Variants in FGFR2 observed in about 807,000 individuals in gnomAD.
The protein encoded by FGFR2 is BEK fibroblast growth factor receptor.
FGFR2 carries 19 observed loss-of-function variants against 95.9 expected under a neutral mutation model. The ratio of observed to expected loss-of-function variants is 0.20; its 90% CI spans 0.14 to 0.29. The LOEUF is 0.29. Ranked by LOEUF, FGFR2 falls within the 10% of genes least tolerant of loss-of-function variation. The pLI, the probability that FGFR2 is intolerant of heterozygous loss-of-function variation, is 1.00. For synonymous variants in FGFR2, 392 were observed against 393.3 expected (o/e 1.00, Z 0.04); for missense variants, 707 against 1,056.9 (o/e 0.67, Z 4.59).
chr10:121,589,330 C>T (rs532994429), intron 2 of FGFR2, among the ~76,000 whole-genome samples: 4 of 152,328 alleles, frequency 2.6e-5, no homozygotes, highest in East Asian at 1.9e-4. Flanking sequence ...ATTGAAACTA[C>T]GAACATTAAA....
intron 4 of FGFR2, among the ~76,000 whole-genome samples, chr10:121,556,533 C>T (rs1396400877): frequency 1.3e-5 from 2 of 151,796 alleles, no homozygotes; most frequent in East Asian, 3.9e-4. Flanking sequence ...ACCATCTGGC[C>T]CAACGACTGA....
intron 2 of FGFR2, among the ~76,000 whole-genome samples, chr10:121,581,433 C>A (rs1047259035): frequency 6.6e-6 from 1 of 151,978 alleles, no homozygotes; most frequent in Non-Finnish European, 1.5e-5. Flanking sequence ...CAGGTGGGTG[C>A]CACCTCCTTA....
Position 121,593,964 on chromosome 10 carries a change from G to A in FGFR2, c.-147C>T, listed in dbSNP as rs769814958. ...CCGAGGCGCTGCCGCTGCTGCTGCA[G>A]TCACTAAAGGAAAGAGATTGGCGAG... On this transcript the variant is annotated 5_prime_UTR_variant, in exon 2 of 18. Coordinates refer to ENST00000358487, the MANE Select transcript of FGFR2 (RefSeq NM_000141.5). 2 of 746,580 alleles carry A rather than the reference G, an allele frequency of 2.7e-6. No homozygotes were observed. Among genetic ancestry groups the A allele is most frequent in the Non-Finnish European group, 4.8e-6 (2 of 416,822 alleles). The allele number at this position is 746,580 out of a possible 1,614,324, so 46.2% of individuals were successfully genotyped here. A position where few individuals can be genotyped will look rare whatever the true frequency, so the allele number is the denominator to read the frequency against.
At chr10:121,508,681 G>A (rs1004271309) in intron 9 of FGFR2, among the ~76,000 whole-genome samples, 1 of 152,102 alleles carries the variant, frequency 6.6e-6, no homozygotes, top group African/African-American at 2.4e-5. Flanking sequence ...GATGACTTAC[G>A]GGAATTTTGT....
chr10:121,527,149 G>A (rs1012027822), intron 6 of FGFR2, among the ~76,000 whole-genome samples: 8 of 152,196 alleles, frequency 5.3e-5, no homozygotes, highest in Non-Finnish European at 8.8e-5. Context: ...CAAAGCAGGT[G>A]GAGGCAAAGT....
chr10:121,569,789 C>A (rs1204920973), intron 2 of FGFR2, among the ~76,000 whole-genome samples: 3 of 152,204 alleles, frequency 2.0e-5, no homozygotes, highest in Non-Finnish European at 4.4e-5. Context: ...ACTGAGAAAG[C>A]AAGGACTCCT....
intron 8 of FGFR2, 130 bp from the exon 9 acceptor site, chr10:121,515,449 A>C (rs1849590156): frequency 8.2e-6 from 7 of 848,638 alleles, no homozygotes; most frequent in South Asian, 1.4e-5. Flanking sequence ...TGGGCTTCCC[A>C]AAAACTCCCA....
intron 2 of FGFR2, among the ~76,000 whole-genome samples, chr10:121,571,445 A>G (rs945384775): frequency 6.6e-6 from 1 of 151,658 alleles, no homozygotes; most frequent in Non-Finnish European, 1.5e-5. Flanking sequence ...TTACAGGTGC[A>G]TGCCATCACG....
intron 9 of FGFR2, among the ~76,000 whole-genome samples, chr10:121,514,278 C>G (rs1264363214): frequency 6.6e-6 from 1 of 152,194 alleles, no homozygotes; most frequent in Non-Finnish European, 1.5e-5. Context: ...ATCTGCCTTC[C>G]GCTTCCATCT....
intron 4 of FGFR2, among the ~76,000 whole-genome samples, chr10:121,562,366 C>G (rs1490793007): frequency 3.3e-5 from 5 of 151,392 alleles, no homozygotes; most frequent in Non-Finnish European, 5.9e-5. Context: ...CTCACTGCAA[C>G]CTCCGCATCC....
chr10:121,533,632 C>T (rs921949238), intron 6 of FGFR2, among the ~76,000 whole-genome samples: 3 of 152,196 alleles, frequency 2.0e-5, no homozygotes, highest in East Asian at 1.9e-4. Flanking sequence ...ATCTTTCTCC[C>T]GCACATTCTG....
intron 2 of FGFR2, among the ~76,000 whole-genome samples, chr10:121,578,554 GA>G (rs1282338856): frequency 2.0e-5 from 3 of 152,252 alleles, no homozygotes; most frequent in Non-Finnish European, 2.9e-5. Flanking sequence ...ATGTTTCTCA[GA>G]CTTTACTGTG....
At chr10:121,486,676 G>A (rs1385936538) in intron 15 of FGFR2, among the ~76,000 whole-genome samples, 5 of 152,146 alleles carry the variant, frequency 3.3e-5, no homozygotes, top group African/African-American at 1.2e-4. Flanking sequence ...TCCTGACCTC[G>A]TGATCCACCC....
intron 10 of FGFR2, among the ~76,000 whole-genome samples, chr10:121,502,925 C>T (rs778376903): frequency 6.6e-6 from 1 of 152,198 alleles, no homozygotes; most frequent in South Asian, 2.1e-4. Context: ...CCACTGACTC[C>T]ATGCCCCACA....
At chr10:121,506,415 G>A (rs554665499) in intron 9 of FGFR2, among the ~76,000 whole-genome samples, 1 of 151,770 alleles carries the variant, frequency 6.6e-6, no homozygotes, top group South Asian at 2.1e-4. Context: ...AATGGCCAGG[G>A]TCTGGCAGGT....
chr10:121,574,709 G>C (rs905201383), intron 2 of FGFR2, among the ~76,000 whole-genome samples: 3 of 152,126 alleles, frequency 2.0e-5, no homozygotes, highest in African/African-American at 7.2e-5. Flanking sequence ...CGACTTGCAA[G>C]AAGACCAAAT....
At chr10:121,529,028 G>A (rs1418579866) in intron 6 of FGFR2, among the ~76,000 whole-genome samples, 2 of 152,178 alleles carry the variant, frequency 1.3e-5, no homozygotes, top group Non-Finnish European at 2.9e-5. Context: ...CCGGGTACAA[G>A]CAATTCTCCT....
intron 9 of FGFR2, among the ~76,000 whole-genome samples, chr10:121,510,015 C>T (rs1848847260): frequency 6.6e-6 from 1 of 152,162 alleles, no homozygotes; most frequent in South Asian, 2.1e-4. Context: ...CATTAACATA[C>T]TTCTGCTCTA....
chr10:121,543,868 T>G (rs1025829699), intron 5 of FGFR2, among the ~76,000 whole-genome samples: 1 of 152,176 alleles, frequency 6.6e-6, no homozygotes, highest in African/African-American at 2.4e-5. Flanking sequence ...CAACAAGCCA[T>G]GTTTTCTTAG....
Sources: gnomAD v4.1 joint callset for allele counts (sites outside exome capture counted in the v4.1 genomes callset) on GRCh38, gnomAD v4.1.1 for gene constraint, MANE v1.5 for transcripts, NCBI Gene and HGNC (gene_info 2026-07-23, HGNC 2026-07-21) for gene names.